TRIM37: variants seen among roughly 807,000 people sequenced by gnomAD.
TRIM37 encodes the protein E3 ubiquitin-protein ligase TRIM37.
A neutral mutation model predicts 129.8 loss-of-function variants in TRIM37; 80 were observed. That is an observed-to-expected ratio of 0.62 (90% CI 0.51 to 0.74). The LOEUF is 0.74. Among genes scored for constraint, TRIM37 ranks in the 30% least tolerant of loss-of-function variants. The probability of loss-of-function intolerance (pLI) is 0.00; values close to 1 mark genes in which losing one functional copy is unlikely to be tolerated. For synonymous variants in TRIM37, 389 were observed against 387.1 expected, an observed-to-expected ratio of 1.00 and a Z score of -0.06; for missense variants, 1,054 against 1,176.5, an observed-to-expected ratio of 0.90 and a Z score of 1.52.
downstream of TRIM37, among the ~76,000 whole-genome samples, chr17:58,995,368 T>C (rs1028803041): frequency 6.7e-6 from 1 of 149,290 alleles, no homozygotes; most frequent in African/African-American, 2.5e-5. Context: ...ATGGCTGGGG[T>C]AGGCATCTTG....
At chr17:59,049,517 T>C (rs2040147976) in intron 14 of TRIM37, 124 bp from the exon 15 acceptor site, 2 of 904,136 alleles carry the variant, frequency 2.2e-6, no homozygotes, top group Non-Finnish European at 3.5e-6. Flanking sequence ...TTTTTGAGAA[T>C]GGTCTCACTC....
intron 22 of TRIM37, among the ~76,000 whole-genome samples, chr17:59,010,391 A>C (rs2035102190): frequency 6.6e-6 from 1 of 152,208 alleles, no homozygotes; most frequent in South Asian, 2.1e-4. Context: ...AAGGTGGAGA[A>C]AGTCTGAACT....
At chr17:58,991,175 CAAAAAAA>C (rs71145510) in intron 24 of TRIM37, among the ~76,000 whole-genome samples, 4 of 83,668 alleles carry the variant, frequency 4.8e-5, no homozygotes, top group African/African-American at 1.4e-4. Context: ...AACTCTGTCT[CAAAAAAA>C]AAAAAAAAAA....
intron 8 of TRIM37, among the ~76,000 whole-genome samples, chr17:59,071,479 G>A (rs1351248865): frequency 2.0e-5 from 3 of 151,876 alleles, no homozygotes; most frequent in Non-Finnish European, 4.4e-5. Flanking sequence ...TAGAGACAGG[G>A]TTTCTCCATG....
intron 8 of TRIM37, 44 bp downstream of exon 8, chr17:59,075,602 GA>G: frequency 8.7e-7 from 1 of 1,149,300 alleles, no homozygotes; most frequent in Non-Finnish European, 1.3e-6. Flanking sequence ...AGTATACAGA[GA>G]AAAAAGGATA....
chr17:59,045,365 C>A (rs553573998), intron 16 of TRIM37, among the ~76,000 whole-genome samples: 1 of 149,626 alleles, frequency 6.7e-6, no homozygotes, highest in South Asian at 2.1e-4. Context: ...TACGGCTGGG[C>A]GAAGTGGATC....
At chr17:58,971,263 G>A in the TRIM37 span, among the ~76,000 whole-genome samples, 7 of 152,134 alleles carry the variant, frequency 4.6e-5, no homozygotes, top group Non-Finnish European at 2.9e-5. Context: ...ATTGGTGGGT[G>A]AGGATTTATA....
At chr17:58,974,019 A>G in the TRIM37 span, among the ~76,000 whole-genome samples, 39 of 151,000 alleles carry the variant, frequency 2.6e-4, no homozygotes, top group Non-Finnish European at 5.5e-4. Flanking sequence ...GTCCTAGTAC[A>G]CAGGAGGCTG....
chr17:59,044,144 A>G (rs2039531530), intron 16 of TRIM37, among the ~76,000 whole-genome samples: 1 of 152,134 alleles, frequency 6.6e-6, no homozygotes, highest in African/African-American at 2.4e-5. Context: ...CTGTCTCTAC[A>G]AAATATTAAA....
In TRIM37 at chr17:58,982,953, T is replaced by TATTG; in HGVS notation, c.2892-36_2892-33dup. ...AAACAAGAAAACAAAGGCAGCAGAC[T>TATTG]ATTGGTACACATTATAGTCCAAAGT... is the stretch of plus-strand genomic sequence containing the variant. On this transcript the variant is annotated intron_variant, in intron 24 of 24. Coordinates refer to the TRIM37 transcript ENST00000393066. 3 of 1,564,162 alleles carry TATTG rather than the reference T, an allele frequency of 1.9e-6. No homozygotes were observed. The South Asian group carries it at 3.5e-5, about 18-fold the overall frequency.
At chr17:59,049,510 T>C in intron 14 of TRIM37, 117 bp from the exon 15 acceptor site, 4 of 942,264 alleles carry the variant, frequency 4.2e-6, no homozygotes, top group Admixed American at 4.0e-5. Context: ...TATTTATTTT[T>C]TGAGAATGGT....
At chr17:59,009,115 A>G (rs1245176313) in intron 22 of TRIM37, among the ~76,000 whole-genome samples, 1 of 152,002 alleles carries the variant, frequency 6.6e-6, no homozygotes, top group Non-Finnish European at 1.5e-5. Context: ...AGCTCTTCCA[A>G]GTTCTTTTTT....
At chr17:59,039,662 A>T (rs1220827684) in intron 17 of TRIM37, among the ~76,000 whole-genome samples, 1 of 151,870 alleles carries the variant, frequency 6.6e-6, no homozygotes, top group South Asian at 2.1e-4. Flanking sequence ...GCCAGTCTTT[A>T]TAAGAATTAA....
chr17:59,103,756 C>T (rs1236714586), intron 2 of TRIM37, among the ~76,000 whole-genome samples: 1 of 151,086 alleles, frequency 6.6e-6, no homozygotes, highest in African/African-American at 2.4e-5. Context: ...TCAAACAATT[C>T]TCCTGCCTCA....
chr17:59,001,212 A>T (rs2033697468), intron 23 of TRIM37, among the ~76,000 whole-genome samples: 1 of 151,502 alleles, frequency 6.6e-6, no homozygotes, highest in African/African-American at 2.4e-5. Context: ...AAAAAAAAAA[A>T]AAGAAAAAAA....
At chr17:59,081,268 A>G (rs1399428675) in intron 5 of TRIM37, 49 bp from the exon 6 acceptor site, 6 of 1,597,854 alleles carry the variant, frequency 3.8e-6, no homozygotes, top group Non-Finnish European at 4.3e-6. Context: ...TCTCATCTGC[A>G]TTTACATTCC....
At position 59,106,476 on chromosome 17, in the gene TRIM37, G is replaced by C. The variant is rs758102546; in HGVS notation, c.-15C>G. 5.6e-6 allele frequency: 9 copies of C among 1,613,644 alleles called. No homozygotes were observed. Among genetic ancestry groups the C allele is most frequent in the Non-Finnish European group, 6.8e-6 (8 of 1,179,824 alleles). On this transcript the variant is annotated 5_prime_UTR_variant, in exon 1 of 24. Coordinates refer to ENST00000262294, the MANE Select transcript of TRIM37 (RefSeq NM_015294.6). ...TGTTCATCCATTGCCTCCGGCTCTCGGCGGGGCCGCTGGCGACCCGCAGGC... is the reference window on the plus strand; with the variant it reads ...TGTTCATCCATTGCCTCCGGCTCTCCGCGGGGCCGCTGGCGACCCGCAGGC...
chr17:59,045,769 C>T (rs1322120803), intron 16 of TRIM37, among the ~76,000 whole-genome samples: 1 of 151,940 alleles, frequency 6.6e-6, no homozygotes, highest in African/African-American at 2.4e-5. Context: ...AATCCTAGCA[C>T]TTTGGGAGGC....
intron 16 of TRIM37, among the ~76,000 whole-genome samples, chr17:59,042,441 A>ATATATATATATATATATATATAT (rs1555661491): frequency 3.6e-5 from 3 of 84,460 alleles, no homozygotes; most frequent in Non-Finnish European, 4.3e-5. Context: ...TAAAAAAAAA[A>ATATATATATATATATATATATAT]AAAAAAAAAT....
Sources: allele counts gnomAD v4.1 joint callset (sites outside exome capture counted in the v4.1 genomes callset), GRCh38; gene constraint gnomAD v4.1.1; transcripts MANE v1.5; gene names NCBI Gene and HGNC (gene_info 2026-07-23, HGNC 2026-07-21).